ZNF280D: variants seen among roughly 807,000 people sequenced by gnomAD.
The protein encoded by ZNF280D is suppressor of hairy wing homolog 4.
Under a neutral mutation model 94.7 loss-of-function variants are expected in ZNF280D, and 39 were observed. The ratio of observed to expected loss-of-function variants is 0.41; its 90% CI spans 0.32 to 0.54. The LOEUF is 0.54. Ranked by LOEUF, ZNF280D falls within the 20% of genes least tolerant of loss-of-function variation. ZNF280D has a pLI of 0.22. For synonymous variants in ZNF280D, 398 were observed against 377.6 expected (o/e 1.05, Z -0.63); for missense variants, 1,090 against 1,149.3 (o/e 0.95, Z 0.75).
chr15:56,639,360 A>G (rs2052513813), intron 20 of ZNF280D, among the ~76,000 whole-genome samples: 1 of 151,958 alleles, frequency 6.6e-6, no homozygotes, highest in Non-Finnish European at 1.5e-5. Flanking sequence ...AGTTTCTTAA[A>G]AAAAGGAGAA....
chr15:56,664,299 AAAGG>A (rs2054147507), intron 16 of ZNF280D, among the ~76,000 whole-genome samples: 1 of 152,218 alleles, frequency 6.6e-6, no homozygotes, highest in Admixed American at 6.5e-5. Context: ...TTAATGGTAA[AAAGG>A]AAGACAAGAA....
At chr15:56,682,530 A>C (rs2055698025) in intron 9 of ZNF280D, 53 bp from the exon 10 acceptor site, 1 of 1,181,648 alleles carries the variant, frequency 8.5e-7, no homozygotes, top group Non-Finnish European at 1.2e-6. Flanking sequence ...CTTTAAAAAA[A>C]CCACATACCA....
intron 11 of ZNF280D, among the ~76,000 whole-genome samples, chr15:56,678,103 GTTCAAGTGA>G (rs1326094627): frequency 6.6e-6 from 1 of 151,808 alleles, no homozygotes; most frequent in Admixed American, 6.6e-5. Context: ...CGTTTCCTGG[GTTCAAGTGA>G]TTCTCCTGCC....
chr15:56,719,139 A>T (rs1232310372), intron 1 of ZNF280D, among the ~76,000 whole-genome samples: 1 of 152,128 alleles, frequency 6.6e-6, no homozygotes, highest in Admixed American at 6.5e-5. Context: ...AAGATCAGAA[A>T]ATATTCACCT....
At chr15:56,688,481 C>A (rs2056196615) in intron 9 of ZNF280D, among the ~76,000 whole-genome samples, 1 of 126,186 alleles carries the variant, frequency 7.9e-6, no homozygotes, top group Non-Finnish European at 1.6e-5. Flanking sequence ...CAGAGCGAGA[C>A]TCCGTCTCAA....
intron 1 of ZNF280D, among the ~76,000 whole-genome samples, chr15:56,721,109 T>C (rs889293362): frequency 6.6e-6 from 1 of 152,018 alleles, no homozygotes; most frequent in Admixed American, 6.6e-5. Context: ...ACTACAGGCA[T>C]GCACCACCAC....
At chr15:56,721,917 A>G (rs1281622844) in intron 1 of ZNF280D, among the ~76,000 whole-genome samples, 1 of 152,206 alleles carries the variant, frequency 6.6e-6, no homozygotes, top group Admixed American at 6.5e-5. Flanking sequence ...TATTTGGCCT[A>G]CCTCTGCTTT....
rs557675811 is a variant in ZNF280D at position 56,654,205 on chromosome 15, G to T, written c.2206C>A (p.Leu736Ile). Residue 736 changes from leucine to isoleucine, a missense_variant, in exon 19 of 22, where the codon CTT (leucine) becomes ATT (isoleucine). Physicochemically the swap from Leu to Ile is conservative, Grantham distance 5 (BLOSUM62 2). Transcript: ENST00000267807. ...AATAAAAATTAAACTTACTCAGAAA[G>T]GTGCTCAGAAGTTGGGATACAAACA... ...VSVCIPTSEH[L>I]SELKKEAPAK... The T allele has an allele frequency of 6.2e-7, 1 of 1,609,366 alleles. No individual in the cohort carries two copies. Among genetic ancestry groups the T allele is most frequent in the East Asian group, 2.2e-5 (1 of 44,702 alleles).
intron 16 of ZNF280D, among the ~76,000 whole-genome samples, chr15:56,662,150 T>A (rs1387372878): frequency 6.6e-6 from 1 of 152,186 alleles, no homozygotes; most frequent in African/African-American, 2.4e-5. Context: ...AGAAAAATGC[T>A]TCTTATACAT....
intron 1 of ZNF280D, among the ~76,000 whole-genome samples, chr15:56,726,760 AT>A (rs2058649398): frequency 6.6e-6 from 1 of 152,210 alleles, no homozygotes; most frequent in African/African-American, 2.4e-5. Flanking sequence ...TATTGCATCA[AT>A]TTTCAAAGAC....
At chr15:56,653,044 C>T (rs575456562) in intron 19 of ZNF280D, 9 of 967,788 alleles carry the variant, frequency 9.3e-6, no homozygotes, top group South Asian at 4.8e-5. Context: ...ATGCAAGAAT[C>T]GGTATTGTTA....
intron 19 of ZNF280D, among the ~76,000 whole-genome samples, chr15:56,651,569 C>A: frequency 1.3e-5 from 2 of 151,844 alleles, no homozygotes; most frequent in Non-Finnish European, 2.9e-5. Context: ...TATGTAAGAC[C>A]ACAAAGCAGT....
chr15:56,665,138 G>A lies in ZNF280D; in HGVS notation c.1994+1257C>T, dbSNP rs554560698. 3.2e-3 allele frequency among the ~76,000 whole-genome samples: 480 copies of A among 152,240 alleles called. 4 individuals carry two copies. Among genetic ancestry groups the A allele is most frequent in the African/African-American group, 0.011 (460 of 41,546 alleles). Reference sequence around the variant, plus strand: ...AGGTCAGGCCAACCATGAAGACATGGGAAAACCGAGAGAAGTGCTGAAGCC... The same window carrying A: ...AGGTCAGGCCAACCATGAAGACATGAGAAAACCGAGAGAAGTGCTGAAGCC... On this transcript the variant is annotated intron_variant, in intron 16 of 21. Transcript: ENST00000267807.
chr15:56,679,976 G>T (rs765406459), intron 10 of ZNF280D, among the ~76,000 whole-genome samples: 33 of 152,174 alleles, frequency 2.2e-4, no homozygotes, highest in Admixed American at 1.1e-3. Flanking sequence ...ACAGCTTTCA[G>T]CACTTAAAGT....
At chr15:56,714,980 T>C (rs1393189667) in intron 1 of ZNF280D, among the ~76,000 whole-genome samples, 1 of 152,116 alleles carries the variant, frequency 6.6e-6, no homozygotes, top group African/African-American at 2.4e-5. Flanking sequence ...AAATATCTTA[T>C]AAAAGAGGAT....
chr15:56,666,804 A>C lies in ZNF280D; in HGVS notation c.1728T>G (p.Asn576Lys). 1 of 1,613,776 alleles carries C rather than the reference A, an allele frequency of 6.2e-7. No individual in the cohort carries two copies. Among genetic ancestry groups the C allele is most frequent in the East Asian group, 2.2e-5 (1 of 44,816 alleles). ...NTVKSNASKP[N>K]TSKPNGSKSK... is the part of the protein sequence containing the mutation. ...ATTTACTTCCATTAGGCTTACTTGT[A>C]TTAGGTTTACTTGCGTTGGATTTGA... The change falls in exon 15 of 22, where the codon AAT (asparagine) becomes AAG (lysine). Residue 576 changes from asparagine (N) to lysine (K), a missense_variant. Coordinates refer to ENST00000267807, the MANE Select transcript of ZNF280D (RefSeq NM_017661.4).
At position 56,631,057 on chromosome 15, in the gene ZNF280D, C is replaced by A. The variant is rs1343443069; in HGVS notation, c.*441G>T. ...ATGCCAATCAGCCATTGTTTTTAATCAATTACTCCCCAAAAGTACATGGTT... is the reference window on the plus strand; with the variant it reads ...ATGCCAATCAGCCATTGTTTTTAATAAATTACTCCCCAAAAGTACATGGTT... On this transcript the variant is annotated 3_prime_UTR_variant, in exon 22 of 22. Transcript: ENST00000267807. 1 of 158,866 alleles carries A rather than the reference C, an allele frequency of 6.3e-6. No individual in the cohort carries two copies. The highest frequency in any genetic ancestry group is 2.4e-5 in the African/African-American group (1 of 41,490). The allele number at this position is 158,866 out of a possible 1,614,324, so 9.8% of individuals were successfully genotyped here. A position where few individuals can be genotyped will look rare whatever the true frequency, so the allele number is the denominator to read the frequency against.
intron 19 of ZNF280D, among the ~76,000 whole-genome samples, chr15:56,644,340 T>A (rs1396598355): frequency 6.6e-6 from 1 of 152,092 alleles, no homozygotes; most frequent in Non-Finnish European, 1.5e-5. Context: ...ACAGTATAAC[T>A]TCACTGCTTT....
intron 1 of ZNF280D, among the ~76,000 whole-genome samples, chr15:56,712,778 T>C (rs1436180806): frequency 6.8e-6 from 1 of 147,416 alleles, no homozygotes; most frequent in South Asian, 2.2e-4. Flanking sequence ...TCTTGCTCTG[T>C]TGCTCAGGCT....
Sources: gnomAD v4.1 joint callset for allele counts (sites outside exome capture counted in the v4.1 genomes callset) on GRCh38, gnomAD v4.1.1 for gene constraint, MANE v1.5 for transcripts, NCBI Gene and HGNC (gene_info 2026-07-23, HGNC 2026-07-21) for gene names.